CCNH: variants seen among roughly 807,000 people sequenced by gnomAD.
CCNH encodes cyclin-H.
A neutral mutation model predicts 41.9 loss-of-function variants in CCNH; 31 were observed. That is an observed-to-expected ratio of 0.74 (90% CI 0.56 to 1.00). CCNH has a LOEUF of 1.00. Ranked by LOEUF, CCNH falls within the 50% of genes least tolerant of loss-of-function variation. The probability of loss-of-function intolerance (pLI) is 0.00; values close to 1 mark genes in which losing one functional copy is unlikely to be tolerated. For missense variants in CCNH, 362 were observed against 388.4 expected, an observed-to-expected ratio of 0.93 and a Z score of 0.57; for synonymous variants, 138 against 136.1, an observed-to-expected ratio of 1.01 and a Z score of -0.10.
downstream of CCNH, among the ~76,000 whole-genome samples, chr5:87,388,157 G>A (rs1457313380): frequency 6.6e-6 from 1 of 152,130 alleles, no homozygotes; most frequent in African/African-American, 2.4e-5. Context: ...TTATTCTAAA[G>A]TCCTTTCTAC....
chr5:87,374,729 G>GTTT, downstream of CCNH: 2 of 1,151,904 alleles, frequency 1.7e-6, no homozygotes, highest in East Asian at 3.0e-5. Flanking sequence ...CTAGCACACT[G>GTTT]TTTTTTTTTT....
downstream of CCNH, among the ~76,000 whole-genome samples, chr5:87,389,112 T>C (rs1762277000): frequency 6.6e-6 from 1 of 152,118 alleles, no homozygotes; most frequent in Non-Finnish European, 1.5e-5. Flanking sequence ...TTAAAAAAAT[T>C]ATCTAATATA....
chr5:87,325,700 T>C (rs1757179235), intron 9 of CCNH, among the ~76,000 whole-genome samples: 1 of 152,248 alleles, frequency 6.6e-6, no homozygotes, highest in Non-Finnish European at 1.5e-5. Flanking sequence ...AACTTCAATT[T>C]AGTTTTCTTT....
chr5:87,359,472 A>C (rs1162392306), intron 9 of CCNH, among the ~76,000 whole-genome samples: 1 of 152,156 alleles, frequency 6.6e-6, no homozygotes, highest in Non-Finnish European at 1.5e-5. Flanking sequence ...TTTGTGGGCT[A>C]GTCCCCACTT....
intron 9 of CCNH, chr5:87,353,103 A>T: frequency 2.1e-6 from 3 of 1,403,502 alleles, no homozygotes; most frequent in Non-Finnish European, 3.0e-6. Context: ...CATATTTTTA[A>T]AGATTTTGCA....
intron 9 of CCNH, among the ~76,000 whole-genome samples, chr5:87,330,364 C>T (rs1393912881): frequency 6.6e-6 from 1 of 151,910 alleles, no homozygotes; most frequent in Non-Finnish European, 1.5e-5. Context: ...TACAAATAAA[C>T]TTTGGTAAAG....
At chr5:87,363,618 AC>A (rs1760279575) in intron 9 of CCNH, 7 of 1,202,338 alleles carry the variant, frequency 5.8e-6, no homozygotes, top group Non-Finnish European at 8.4e-6. Context: ...TAGCAGATGC[AC>A]TTTCTAGGTA....
At chr5:87,386,026 A>G (rs1326517581) in intron 9 of CCNH, among the ~76,000 whole-genome samples, 1 of 152,002 alleles carries the variant, frequency 6.6e-6, no homozygotes, top group Non-Finnish European at 1.5e-5. Context: ...GGCTTTTGCT[A>G]TGTGTTACAA....
At chr5:87,356,383 A>AGTTTT (rs1554047341) in intron 9 of CCNH, among the ~76,000 whole-genome samples, 1 of 141,722 alleles carries the variant, frequency 7.1e-6, no homozygotes, top group Non-Finnish European at 1.6e-5. Flanking sequence ...GATGATTGTT[A>AGTTTT]TTTTTTTTTT....
chr5:87,331,590 T>G, intron 9 of CCNH: 1 of 1,394,860 alleles, frequency 7.2e-7, no homozygotes, highest in Non-Finnish European at 1.0e-6. Flanking sequence ...GGTGAATGAC[T>G]CAGTAACAAA....
At chr5:87,341,128 A>G (rs1228655010) in intron 9 of CCNH, among the ~76,000 whole-genome samples, 1 of 152,056 alleles carries the variant, frequency 6.6e-6, no homozygotes, top group Non-Finnish European at 1.5e-5. Flanking sequence ...AAAGATTAAG[A>G]GAGGTTTGGA....
chr5:87,363,511 G>A, intron 9 of CCNH: 1 of 1,609,516 alleles, frequency 6.2e-7, no homozygotes, highest in South Asian at 1.1e-5. Context: ...GCAGGTAAGA[G>A]ACTGGTTTCC....
chr5:87,393,696 T>G (rs1199331293), downstream of CCNH: 1 of 152,186 alleles, frequency 6.6e-6, no homozygotes, highest in African/African-American at 2.4e-5. Context: ...TGTGGTGATG[T>G]GTGCCTGTAG....
In CCNH at chr5:87,322,585, C is replaced by G. The variant is rs529406821; in HGVS notation, c.*91-3688G>C. Among the ~76,000 whole-genome samples, 5 of 152,208 alleles carry G rather than the reference C, an allele frequency of 3.3e-5. No homozygotes were observed. In the South Asian group the frequency reaches 1.0e-3, roughly 32 times the overall value. On this transcript the variant is annotated intron_variant and NMD_transcript_variant, in intron 9 of 9. Coordinates refer to the CCNH transcript ENST00000645953. ...TGGTCATGTGATGTGCTAGCTCTCC[C>G]TTTGCCTTCTGCCATGAGTAAAAGC...
chr5:87,398,749 G>A (rs574675450), intron 7 of CCNH, among the ~76,000 whole-genome samples: 13 of 152,092 alleles, frequency 8.5e-5, no homozygotes, highest in South Asian at 4.2e-4. Context: ...CAAGGTGGGC[G>A]GATCATGAGG....
At chr5:87,370,327 G>GA (rs1341186446) in intron 9 of CCNH, among the ~76,000 whole-genome samples, 3 of 152,118 alleles carry the variant, frequency 2.0e-5, no homozygotes, top group African/African-American at 7.2e-5. Flanking sequence ...GATATTTTAG[G>GA]AATCTATTCT....
rs149647273 is a variant in CCNH, at chr5:87,343,472, C to T, written c.*91-24575G>A. On this transcript the variant is annotated intron_variant and NMD_transcript_variant, in intron 9 of 9. Coordinates refer to the CCNH transcript ENST00000645953. ...AGCAGGTATATGAAAAAATGCTCAC[C>T]ATTCATTACTAATCATCAGATAAAT... 8.3e-4 allele frequency among the ~76,000 whole-genome samples: 127 copies of T among 152,192 alleles called. 2 individuals carry two copies. The East Asian group carries it at 0.022, about 26-fold the overall frequency.
At chr5:87,382,846 C>A (rs1761813637) in intron 9 of CCNH, among the ~76,000 whole-genome samples, 1 of 151,800 alleles carries the variant, frequency 6.6e-6, no homozygotes, top group Non-Finnish European at 1.5e-5. Context: ...CATGTTTAGA[C>A]CAAGACAGGA....
At chr5:87,337,760 A>C (rs1296347001) in intron 9 of CCNH, among the ~76,000 whole-genome samples, 1 of 152,008 alleles carries the variant, frequency 6.6e-6, no homozygotes, top group African/African-American at 2.4e-5. Context: ...AACCCATTTT[A>C]CTCATGAGGT....
Sources: gnomAD v4.1 joint callset for allele counts (sites outside exome capture counted in the v4.1 genomes callset) on GRCh38, gnomAD v4.1.1 for gene constraint, MANE v1.5 for transcripts, NCBI Gene and HGNC (gene_info 2026-07-23, HGNC 2026-07-21) for gene names.